Variants in GRID2 observed in about 807,000 individuals in gnomAD.
The protein encoded by GRID2 is glutamate ionotropic receptor delta type subunit 2.
Under a neutral mutation model 114.8 loss-of-function variants are expected in GRID2, and 33 were observed. The observed-to-expected ratio is 0.29, with a 90% CI of 0.22 to 0.38. The LOEUF (loss-of-function observed/expected upper bound fraction) is 0.38. Ranked by LOEUF, GRID2 falls within the 10% of genes least tolerant of loss-of-function variation. The pLI is 1.00. For missense variants in GRID2, 1,184 were observed against 1,257.7 expected (o/e 0.94, Z 0.89); for synonymous variants, 505 against 449.9 (o/e 1.12, Z -1.55).
At chr4:92,974,163 C>T (rs146582024) in intron 2 of GRID2, among the ~76,000 whole-genome samples, 2 of 152,086 alleles carry the variant, frequency 1.3e-5, no homozygotes, top group African/African-American at 2.4e-5. Flanking sequence ...GTTAGAATGG[C>T]GATCATTAAG....
intron 13 of GRID2, among the ~76,000 whole-genome samples, chr4:93,612,601 G>A (rs1474147390): frequency 2.1e-5 from 2 of 96,524 alleles, no homozygotes; most frequent in Admixed American, 1.1e-4. Context: ...GAAATTCTGG[G>A]TTGAAAATTC....
chr4:93,665,333 G>T (rs1340218552), intron 14 of GRID2, among the ~76,000 whole-genome samples: 3 of 152,100 alleles, frequency 2.0e-5, no homozygotes, highest in African/African-American at 7.2e-5. Context: ...TGATGTATTT[G>T]TCTCATGTTG....
intron 11 of GRID2, among the ~76,000 whole-genome samples, chr4:93,481,973 T>C (rs963700598): frequency 1.3e-5 from 2 of 152,038 alleles, no homozygotes; most frequent in African/African-American, 2.4e-5. Context: ...TTATTCTTAA[T>C]AATGGTAATA....
At chr4:93,592,226 G>A (rs1484537610) in intron 13 of GRID2, among the ~76,000 whole-genome samples, 1 of 151,922 alleles carries the variant, frequency 6.6e-6, no homozygotes, top group Non-Finnish European at 1.5e-5. Context: ...ACACTGCTTT[G>A]AATGCATCCC....
rs1724046644 is a variant in GRID2 at position 92,507,691 on chromosome 4, C to T, written c.89-82440C>T. Among the ~76,000 whole-genome samples the T allele has an allele frequency of 3.3e-5, 5 of 151,678 alleles. No homozygotes were observed. In the South Asian group the frequency reaches 1.0e-3, roughly 32 times the overall value. On this transcript the variant is annotated intron_variant, in intron 1 of 15. Transcript: ENST00000282020. ...TCTTTTTTTCAGTTTTTCCTTCTTC[C>T]TTTCCTCTTTTACCTGATGCAATAG...
At chr4:93,637,660 A>G (rs1202635220) in intron 14 of GRID2, among the ~76,000 whole-genome samples, 1 of 152,196 alleles carries the variant, frequency 6.6e-6, no homozygotes. Flanking sequence ...TCTGAAATTG[A>G]AACTGTCTTG....
chr4:92,623,780 G>T (rs1386354628), intron 2 of GRID2, among the ~76,000 whole-genome samples: 1 of 151,694 alleles, frequency 6.6e-6, no homozygotes, highest in Admixed American at 6.6e-5. Context: ...CCATTGAGTT[G>T]GAACTCAAGT....
At chr4:93,603,610 A>C (rs1739918674) in intron 13 of GRID2, among the ~76,000 whole-genome samples, 1 of 152,196 alleles carries the variant, frequency 6.6e-6, no homozygotes, top group Non-Finnish European at 1.5e-5. Flanking sequence ...ATATTGAAAG[A>C]AAGTTCCATC....
chr4:93,269,832 C>T (rs923236899), intron 8 of GRID2, among the ~76,000 whole-genome samples: 1 of 152,084 alleles, frequency 6.6e-6, no homozygotes, highest in African/African-American at 2.4e-5. Flanking sequence ...AAGAGCATCA[C>T]ATCCTAGGAT....
At chr4:93,703,501 T>A (rs956607458) in intron 14 of GRID2, among the ~76,000 whole-genome samples, 5 of 152,178 alleles carry the variant, frequency 3.3e-5, no homozygotes, top group Admixed American at 6.5e-5. Flanking sequence ...GTATTTATTT[T>A]TTTTTATATG....
chr4:92,372,383 G>A (rs1375272142), intron 1 of GRID2, among the ~76,000 whole-genome samples: 1 of 152,092 alleles, frequency 6.6e-6, no homozygotes, highest in Non-Finnish European at 1.5e-5. Context: ...TTAAGAAATT[G>A]CCACAACCAC....
chr4:93,295,958 T>A (rs1199495732), intron 8 of GRID2, among the ~76,000 whole-genome samples: 1 of 152,226 alleles, frequency 6.6e-6, no homozygotes, highest in Non-Finnish European at 1.5e-5. Flanking sequence ...AGCAGATTTT[T>A]ATTTTGGAAT....
intron 13 of GRID2, among the ~76,000 whole-genome samples, chr4:93,609,232 G>A (rs1236722362): frequency 1.2e-5 from 1 of 84,812 alleles, no homozygotes; most frequent in Non-Finnish European, 2.6e-5. Flanking sequence ...AGATGAGTAG[G>A]TTGCAAAAAT....
At chr4:92,540,153 G>A (rs1725855881) in intron 1 of GRID2, among the ~76,000 whole-genome samples, 1 of 152,078 alleles carries the variant, frequency 6.6e-6, no homozygotes, top group South Asian at 2.1e-4. Flanking sequence ...ATTCAAGATG[G>A]ATTAAAGACT....
At chr4:92,941,972 G>A (rs1160472574) in intron 2 of GRID2, among the ~76,000 whole-genome samples, 1 of 152,136 alleles carries the variant, frequency 6.6e-6, no homozygotes, top group African/African-American at 2.4e-5. Context: ...ATTTGCTGAG[G>A]AATGCTTTAC....
intron 10 of GRID2, among the ~76,000 whole-genome samples, chr4:93,438,864 G>A (rs1387426691): frequency 1.3e-5 from 2 of 150,468 alleles, no homozygotes; most frequent in African/African-American, 2.4e-5. Flanking sequence ...CCCGGAGTGT[G>A]ATGTTCCCCT....
At chr4:93,591,129 G>T (rs1197368142) in intron 13 of GRID2, among the ~76,000 whole-genome samples, 1 of 143,936 alleles carries the variant, frequency 6.9e-6, no homozygotes, top group Non-Finnish European at 1.5e-5. Flanking sequence ...TCCCTGTCTT[G>T]TGCCAGTTTT....
chr4:92,662,106 C>A (rs1732548359), intron 2 of GRID2, among the ~76,000 whole-genome samples: 1 of 151,048 alleles, frequency 6.6e-6, no homozygotes. Flanking sequence ...AAGCCCTTCT[C>A]ATCCTCACAC....
chr4:93,321,688 C>A (rs879373852), intron 8 of GRID2, among the ~76,000 whole-genome samples: 1 of 151,696 alleles, frequency 6.6e-6, no homozygotes, highest in African/African-American at 2.4e-5. Flanking sequence ...TTTTTATTCA[C>A]TTCTGGGATA....
Sources: gnomAD v4.1 joint callset for allele counts (sites outside exome capture counted in the v4.1 genomes callset) on GRCh38, gnomAD v4.1.1 for gene constraint, MANE v1.5 for transcripts, NCBI Gene and HGNC (gene_info 2026-07-23, HGNC 2026-07-21) for gene names.